The following CACNA2D1 variants were observed in gnomAD, a reference collection of about 807,000 sequenced individuals.
The protein encoded by CACNA2D1 is calcium voltage-gated channel auxiliary subunit alpha2delta 1.
Under a neutral mutation model 171.5 loss-of-function variants are expected in CACNA2D1, and 53 were observed. That is an observed-to-expected ratio of 0.31 (90% CI 0.25 to 0.39). The LOEUF (loss-of-function observed/expected upper bound fraction) is 0.39, where lower values mean the gene tolerates loss of function less well. Ranked by LOEUF, CACNA2D1 falls within the 10% of genes least tolerant of loss-of-function variation. The pLI is 1.00. For missense variants in CACNA2D1, 903 were observed against 1,299.8 expected (o/e 0.69, Z 4.69); for synonymous variants, 442 against 443.1 (o/e 1.00, Z 0.03).
intron 25 of CACNA2D1, 70 bp downstream of exon 25, chr7:81,974,385 G>T: frequency 1.3e-6 from 1 of 757,328 alleles, no homozygotes; most frequent in Non-Finnish European, 2.3e-6. Flanking sequence ...TATGATTATC[G>T]TATCCTATGA....
Position 82,007,811 on chromosome 7 carries a change from C to A in CACNA2D1, c.1363-55G>T. The A allele has an allele frequency of 3.0e-6, 3 of 993,472 alleles. No individual in the cohort carries two copies. In the South Asian group the frequency reaches 3.9e-5, roughly 13 times the overall value. The allele number at this position is 993,472 out of a possible 1,614,324, so 61.5% of individuals were successfully genotyped here. On this transcript the variant is annotated intron_variant, in intron 15 of 38. Transcript: ENST00000356860. ...ATTAAAATTACAATTTAAGCTTTGTCAGAGTGCACTAACCTTTGATATCTG... is the reference window on the plus strand; with the variant it reads ...ATTAAAATTACAATTTAAGCTTTGTAAGAGTGCACTAACCTTTGATATCTG...
intron 3 of CACNA2D1, among the ~76,000 whole-genome samples, chr7:82,212,756 T>G (rs1800698738): frequency 6.6e-6 from 1 of 152,232 alleles, no homozygotes; most frequent in Non-Finnish European, 1.5e-5. Context: ...TTTATTTATG[T>G]CACATGGGAC....
At chr7:82,062,315 T>C (rs1404850185) in intron 9 of CACNA2D1, among the ~76,000 whole-genome samples, 1 of 152,122 alleles carries the variant, frequency 6.6e-6, no homozygotes, top group East Asian at 1.9e-4. Flanking sequence ...GTCCCCAGAC[T>C]TACCTGTGCA....
chr7:81,970,985 A>G (rs1223263043), intron 26 of CACNA2D1: 3 of 485,278 alleles, frequency 6.2e-6, no homozygotes, highest in Non-Finnish European at 1.1e-5. Flanking sequence ...CAGCAATGAC[A>G]CAGAAAGCAG....
chr7:82,004,472 T>A (rs1484982811), intron 18 of CACNA2D1, among the ~76,000 whole-genome samples: 1 of 151,488 alleles, frequency 6.6e-6, no homozygotes, highest in Non-Finnish European at 1.5e-5. Context: ...ATAATTAATA[T>A]ATTACATTTA....
At chr7:82,367,391 T>C (rs555380251) in intron 1 of CACNA2D1, among the ~76,000 whole-genome samples, 1 of 152,234 alleles carries the variant, frequency 6.6e-6, no homozygotes, top group South Asian at 2.1e-4. Flanking sequence ...TCCATGCCTT[T>C]GTATCTTGTC....
intron 4 of CACNA2D1, among the ~76,000 whole-genome samples, chr7:82,165,719 TAA>T (rs1221763326): frequency 2.0e-5 from 3 of 152,036 alleles, no homozygotes; most frequent in Admixed American, 2.0e-4. Flanking sequence ...ATGATGAAGA[TAA>T]AGTCTCAAGA....
At chr7:82,268,315 T>C (rs1375716918) in intron 3 of CACNA2D1, among the ~76,000 whole-genome samples, 1 of 152,204 alleles carries the variant, frequency 6.6e-6, no homozygotes, top group Non-Finnish European at 1.5e-5. Context: ...TGTTTCAATA[T>C]TAAATACTCA....
chr7:82,194,305 C>T (rs1563185019), intron 3 of CACNA2D1, among the ~76,000 whole-genome samples: 2 of 152,080 alleles, frequency 1.3e-5, no homozygotes, highest in South Asian at 2.1e-4. Flanking sequence ...AGATAACAAA[C>T]CTCATTTTGC....
chr7:82,030,862 G>C (rs1802606395), intron 12 of CACNA2D1, among the ~76,000 whole-genome samples: 1 of 151,784 alleles, frequency 6.6e-6, no homozygotes, highest in South Asian at 2.1e-4. Context: ...ATTGAATTTT[G>C]TGTTAAACTT....
intron 3 of CACNA2D1, among the ~76,000 whole-genome samples, chr7:82,171,986 A>G (rs1257684230): frequency 1.5e-5 from 2 of 133,822 alleles, no homozygotes; most frequent in African/African-American, 7.0e-5. Context: ...TATCCCTGTG[A>G]TTATAATCTA....
chr7:82,050,366 A>C, intron 10 of CACNA2D1: 1 of 523,628 alleles, frequency 1.9e-6, no homozygotes, highest in South Asian at 2.9e-5. Context: ...TATTACTCAT[A>C]GCAACAGAGG....
At chr7:82,305,782 T>G (rs1416875266) in intron 3 of CACNA2D1, among the ~76,000 whole-genome samples, 1 of 151,572 alleles carries the variant, frequency 6.6e-6, no homozygotes, top group Non-Finnish European at 1.5e-5. Flanking sequence ...ATCATATCTA[T>G]AGAGGGCAAA....
At chr7:82,141,375 A>T (rs116291885) in intron 4 of CACNA2D1, among the ~76,000 whole-genome samples, 1,361 of 93,390 alleles carry the variant, frequency 0.015, 24 homozygotes, top group African/African-American at 0.071. Context: ...GAGGAAATTT[A>T]AAAAAAAAAA....
chr7:82,009,356 A>G (rs940405072), intron 15 of CACNA2D1: 1 of 152,162 alleles, frequency 6.6e-6, no homozygotes, highest in Non-Finnish European at 1.5e-5. Context: ...TGATAGACAC[A>G]TGTTGGCGCT....
intron 4 of CACNA2D1, among the ~76,000 whole-genome samples, chr7:82,163,261 A>G (rs1182552435): frequency 6.6e-6 from 1 of 152,060 alleles, no homozygotes; most frequent in African/African-American, 2.4e-5. Flanking sequence ...AGACTTTCCA[A>G]AATTTTAGGC....
At chr7:82,230,410 G>A (rs1802806005) in intron 3 of CACNA2D1, among the ~76,000 whole-genome samples, 1 of 152,174 alleles carries the variant, frequency 6.6e-6, no homozygotes, top group Non-Finnish European at 1.5e-5. Flanking sequence ...GTTGTTTCTA[G>A]TTTGGAGCTA....
At chr7:82,036,134 C>A (rs753161304) in intron 11 of CACNA2D1, among the ~76,000 whole-genome samples, 8 of 152,094 alleles carry the variant, frequency 5.3e-5, no homozygotes, top group Non-Finnish European at 1.0e-4. Flanking sequence ...GTCACCTAAG[C>A]CCCTCTCACT....
At chr7:82,033,536 T>C (rs1416950612) in intron 11 of CACNA2D1, among the ~76,000 whole-genome samples, 1 of 152,102 alleles carries the variant, frequency 6.6e-6, no homozygotes, top group African/African-American at 2.4e-5. Context: ...CTTTATTCAC[T>C]TCACATGTTT....
Sources: allele counts gnomAD v4.1 joint callset (sites outside exome capture counted in the v4.1 genomes callset), GRCh38; gene constraint gnomAD v4.1.1; transcripts MANE v1.5; gene names NCBI Gene and HGNC (gene_info 2026-07-23, HGNC 2026-07-21).